CSMD1: variants seen among roughly 807,000 people sequenced by gnomAD.
The protein encoded by CSMD1 is CUB and sushi domain-containing protein 1.
CSMD1 carries 213 observed loss-of-function variants against 417.5 expected under a neutral mutation model. That is an observed-to-expected ratio of 0.51 (90% CI 0.46 to 0.57). The LOEUF (loss-of-function observed/expected upper bound fraction) is 0.57, where lower values mean the gene tolerates loss of function less well. Among genes scored for constraint, CSMD1 ranks in the 20% least tolerant of loss-of-function variants. The pLI, the probability that CSMD1 is intolerant of heterozygous loss-of-function variation, is 0.00. For missense variants in CSMD1, 6,923 were observed against 4,529.7 expected (o/e 1.53, Z -15.17); for synonymous variants, 2,862 against 1,736.8 (o/e 1.65, Z -16.11).
intron 1 of CSMD1, among the ~76,000 whole-genome samples, chr8:4,704,323 T>A (rs553420683): frequency 2.0e-5 from 3 of 152,384 alleles, no homozygotes; most frequent in South Asian, 4.1e-4. Flanking sequence ...AGTGTCTTAC[T>A]GTACTCACAA....
chr8:4,494,577 C>G (rs1801886387), intron 2 of CSMD1, among the ~76,000 whole-genome samples: 1 of 151,994 alleles, frequency 6.6e-6, no homozygotes, highest in African/African-American at 2.4e-5. Context: ...AAAAATAATG[C>G]AAGTCAATAA....
At chr8:4,593,636 G>C (rs1023301077) in intron 2 of CSMD1, among the ~76,000 whole-genome samples, 5 of 152,230 alleles carry the variant, frequency 3.3e-5, no homozygotes, top group Admixed American at 6.5e-5. Context: ...GTGATCCGGA[G>C]TCTTAAAGCT....
chr8:4,114,166 G>A (rs185606270), intron 3 of CSMD1, among the ~76,000 whole-genome samples: 34 of 152,250 alleles, frequency 2.2e-4, no homozygotes, highest in African/African-American at 8.2e-4. Context: ...AACTTCAAAG[G>A]ACAGCCTGAC....
intron 52 of CSMD1, among the ~76,000 whole-genome samples, chr8:3,015,490 A>AAT (rs146923203): frequency 3.2e-4 from 49 of 151,402 alleles, no homozygotes; most frequent in East Asian, 7.8e-4. Context: ...CAGTTTTCAG[A>AAT]ATATATATAT....
At chr8:3,203,848 T>A (rs1232006701) in intron 31 of CSMD1, among the ~76,000 whole-genome samples, 4 of 152,190 alleles carry the variant, frequency 2.6e-5, no homozygotes, top group African/African-American at 9.7e-5. Flanking sequence ...GCTTCGCATT[T>A]TCAGCCTGTG....
Position 3,068,485 on chromosome 8 carries a change from C to G in CSMD1, c.7475-15838G>C, listed in dbSNP as rs1235669455. Among the ~76,000 whole-genome samples, 13 of 152,240 alleles carry G rather than the reference C, an allele frequency of 8.5e-5. No homozygotes were observed. In the East Asian group the frequency reaches 2.5e-3, roughly 29 times the overall value. Reference sequence around the variant, plus strand: ...TAATATTAATAAATAAATACATATGCACATGTGTATTAGGCCATTCTCGCA... The same window carrying G: ...TAATATTAATAAATAAATACATATGGACATGTGTATTAGGCCATTCTCGCA... On this transcript the variant is annotated intron_variant, in intron 49 of 69. Transcript: ENST00000635120.
rs559965170 is a variant in CSMD1 at position 4,008,674 on chromosome 8, G to C, written c.611-10564C>G. 1.0e-3 allele frequency among the ~76,000 whole-genome samples: 136 copies of C among 134,054 alleles called. 1 individual carries two copies. The highest frequency in any genetic ancestry group is 3.8e-3 in the African/African-American group (133 of 34,736). The allele number at this position is 134,054 out of a possible 152,430, so 87.9% of individuals were successfully genotyped here. On this transcript the variant is annotated intron_variant, in intron 4 of 69. Transcript: ENST00000635120. ...CGCCCAGGCTGGAGTGCAGTGGTGC[G>C]ATCTCAGGTAACTGCAAGCTCCCCA...
intron 48 of CSMD1, among the ~76,000 whole-genome samples, chr8:3,088,066 G>T (rs1328164491): frequency 6.6e-6 from 1 of 152,176 alleles, no homozygotes; most frequent in Non-Finnish European, 1.5e-5. Flanking sequence ...AATCTTTGAA[G>T]AAAATGCATT....
At chr8:4,111,412 T>G (rs1171810088) in intron 3 of CSMD1, among the ~76,000 whole-genome samples, 1 of 152,158 alleles carries the variant, frequency 6.6e-6, no homozygotes, top group Admixed American at 6.5e-5. Flanking sequence ...ATCTTTATTA[T>G]AGAATTATTT....
chr8:3,188,086 A>G (rs1585598312), intron 35 of CSMD1, 121 bp from the exon 36 acceptor site: 1 of 295,212 alleles, frequency 3.4e-6, no homozygotes, highest in Non-Finnish European at 6.3e-6. Flanking sequence ...ACATATGTAT[A>G]TGTATATATA....
intron 2 of CSMD1, among the ~76,000 whole-genome samples, chr8:4,573,897 C>T (rs898510781): frequency 3.3e-5 from 5 of 152,220 alleles, no homozygotes; most frequent in African/African-American, 1.2e-4. Flanking sequence ...CCAGTTCAAA[C>T]TTCCTGGCAG....
chr8:2,966,820 T>C lies in CSMD1; in HGVS notation c.8924-74A>G, dbSNP rs537103058. 23 of 1,361,028 alleles carry C rather than the reference T, an allele frequency of 1.7e-5. No individual in the cohort carries two copies. The East Asian group carries it at 4.4e-4, about 26-fold the overall frequency. The allele number at this position is 1,361,028 out of a possible 1,614,324, so 84.3% of individuals were successfully genotyped here. On this transcript the variant is annotated intron_variant, in intron 57 of 69. Transcript: ENST00000635120. ...GAAAATGGCAAACACAAGAGACCAATGGGTATCAGTGCAATAGACTACACA... is the reference window on the plus strand; with the variant it reads ...GAAAATGGCAAACACAAGAGACCAACGGGTATCAGTGCAATAGACTACACA...
chr8:4,443,448 G>T (rs749820888), intron 2 of CSMD1, among the ~76,000 whole-genome samples: 1 of 152,178 alleles, frequency 6.6e-6, no homozygotes, highest in Non-Finnish European at 1.5e-5. Flanking sequence ...ACACTGAATT[G>T]TATGATGCAA....
chr8:4,298,386 T>G (rs531185109), intron 3 of CSMD1, among the ~76,000 whole-genome samples: 1 of 152,274 alleles, frequency 6.6e-6, no homozygotes, highest in East Asian at 1.9e-4. Flanking sequence ...CTGTATTTGC[T>G]TTGAATCCAA....
At chr8:3,571,915 T>C (rs562336581) in intron 10 of CSMD1, among the ~76,000 whole-genome samples, 3 of 152,324 alleles carry the variant, frequency 2.0e-5, no homozygotes, top group African/African-American at 7.2e-5. Context: ...CCGAAAGGGC[T>C]ACAGGAAGAA....
chr8:4,401,746 G>T (rs149741560), intron 3 of CSMD1, among the ~76,000 whole-genome samples: 36 of 152,128 alleles, frequency 2.4e-4, no homozygotes, highest in African/African-American at 7.7e-4. Flanking sequence ...CCTGAAGCTG[G>T]CGTCCCCTCT....
intron 1 of CSMD1, among the ~76,000 whole-genome samples, chr8:4,698,224 G>C (rs1036739721): frequency 6.6e-6 from 1 of 150,506 alleles, no homozygotes; most frequent in African/African-American, 2.4e-5. Context: ...AGTAAGCCCT[G>C]GTTCTTCATC....
chr8:4,666,370 G>C (rs955821868), intron 1 of CSMD1, among the ~76,000 whole-genome samples: 1 of 152,208 alleles, frequency 6.6e-6, no homozygotes, highest in South Asian at 2.1e-4. Flanking sequence ...GGCAGAGTCA[G>C]TGTGAAAGTG....
In CSMD1 at chr8:3,002,118, C is replaced by G. The variant is rs566481826; in HGVS notation, c.8030-1987G>C. ...TGCATTGGCAGGTATTCCAGTCAAT[C>G]GGATCAATAAGTCAGTTCTGGTGAT... is the stretch of plus-strand genomic sequence containing the variant. On this transcript the variant is annotated intron_variant, in intron 52 of 69. Transcript: ENST00000635120. Among the ~76,000 whole-genome samples the G allele has an allele frequency of 4.6e-5, 7 of 152,230 alleles. No individual in the cohort carries two copies. The South Asian group carries it at 1.0e-3, about 23-fold the overall frequency.
Sources: allele counts gnomAD v4.1 joint callset (sites outside exome capture counted in the v4.1 genomes callset), GRCh38; gene constraint gnomAD v4.1.1; transcripts MANE v1.5; gene names NCBI Gene and HGNC (gene_info 2026-07-23, HGNC 2026-07-21).